LHX5: variants seen among roughly 807,000 people sequenced by gnomAD.
LHX5 encodes LIM homeobox 5.
LHX5 carries 5 observed loss-of-function variants against 30.6 expected under a neutral mutation model. That is an observed-to-expected ratio of 0.16 (90% CI 0.09 to 0.34). The LOEUF (loss-of-function observed/expected upper bound fraction) is 0.34. Among genes scored for constraint, LHX5 ranks in the 10% least tolerant of loss-of-function variants. LHX5 has a pLI of 1.00. For synonymous variants in LHX5, 266 were observed against 252.6 expected (o/e 1.05, Z -0.50); for missense variants, 458 against 570.6 (o/e 0.80, Z 2.01).
chr12:113,469,452 T>A, intron 1 of LHX5, 107 bp from the exon 2 acceptor site: 2 of 990,732 alleles, frequency 2.0e-6, no homozygotes, highest in South Asian at 1.6e-5. Context: ...CCCATTTCCA[T>A]ATCTGTCAAA....
At position 113,463,463 on chromosome 12, in the gene LHX5, G is replaced by T; in HGVS notation, c.936C>A (p.Phe312Leu). The T allele has an allele frequency of 6.4e-7, 1 of 1,563,508 alleles. No individual in the cohort carries two copies. Among genetic ancestry groups the T allele is most frequent in the Non-Finnish European group, 8.6e-7 (1 of 1,159,734 alleles). The change falls in exon 5 of 5, where the codon TTC (phenylalanine) becomes TTA (leucine). Residue 312 changes from phenylalanine to leucine, a missense_variant. Around this residue, in one of 3 missense-constraint regions of LHX5, gnomAD observed 255 missense variants for 246.8 expected, o/e 1.03. Coordinates refer to ENST00000261731, the MANE Select transcript of LHX5 (RefSeq NM_022363.3). The surrounding 1 kb of genome is among the most constrained non-coding windows in gnomAD (Gnocchi z 6.7). ...SQAQSPADSS[F>L]LAASGPGSTP... ...TCGAGCCGGGGCCAGAGGCCGCCAG[G>T]AAGCTGGAGTCGGCCGGGGACTGCG...
At position 113,463,077 on chromosome 12, in the gene LHX5, C is replaced by A; in HGVS notation, c.*113G>T. 1.1e-6 allele frequency: 1 copy of A among 940,210 alleles called. No homozygotes were observed. The highest frequency in any genetic ancestry group is 1.8e-5 in the South Asian group (1 of 54,098). 58.2% of individuals were successfully genotyped at this position (940,210 alleles called of 1,614,324 possible). On this transcript the variant is annotated 3_prime_UTR_variant, in exon 5 of 5. Transcript: ENST00000261731. The surrounding 1 kb of genome is among the most constrained non-coding windows in gnomAD (Gnocchi z 6.7). The stretch of plus-strand genomic sequence containing the variant: ...AGTTGAGTGCGGACCCGAGAGAGAA[C>A]CCCCGAGGGACACCCACGTCTCCCA...
In LHX5 at chr12:113,471,311, G is replaced by C. The variant is rs747416997; in HGVS notation, c.173+15C>G. On this transcript the variant is annotated intron_variant, in intron 1 of 4. Transcript: ENST00000261731. ...AGGGTGGGCGCGCAGGCAGCAGAGC[G>C]GCGCGGCCTCTTACCTGAAAAAGTC... 2 of 1,612,430 alleles carry C rather than the reference G, an allele frequency of 1.2e-6. No homozygotes were observed. The highest frequency in any genetic ancestry group is 1.1e-5 in the South Asian group (1 of 90,916).
chr12:113,470,571 C>T (rs1278898905), intron 1 of LHX5, among the ~76,000 whole-genome samples: 2 of 152,326 alleles, frequency 1.3e-5, no homozygotes, highest in East Asian at 3.9e-4. Context: ...TTCCTGTTCA[C>T]AAAGCCGGCT....
Position 113,468,246 on chromosome 12 carries a change from T to A in LHX5, c.556A>T (p.Thr186Ser), listed in dbSNP as rs1237109758. 1 of 1,613,920 alleles carries A rather than the reference T, an allele frequency of 6.2e-7. No homozygotes were observed. Among genetic ancestry groups the A allele is most frequent in the East Asian group, 2.2e-5 (1 of 44,884 alleles). ...SGTKRRGPRTTIKAKQLETLK... is the reference protein window; with the variant it reads ...SGTKRRGPRTSIKAKQLETLK... The stretch of plus-strand genomic sequence containing the variant: ...GTCTCCAGCTGCTTGGCCTTGATGG[T>A]GGTGCGGGGGCCGCGCCGCTTGGTG... Residue 186 changes from threonine to serine, a missense_variant, in exon 3 of 5, where the codon ACC becomes TCC. Transcript: ENST00000261731.
In LHX5 at chr12:113,463,313, G is replaced by T; in HGVS notation, c.1086C>A (p.His362Gln). The change falls in exon 5 of 5, where the codon CAC becomes CAA. Residue 362 changes from histidine (H) to glutamine (Q), a missense_variant. Coordinates refer to ENST00000261731, the MANE Select transcript of LHX5 (RefSeq NM_022363.3). The surrounding 1 kb of genome is among the most constrained non-coding windows in gnomAD (Gnocchi z 6.7). ...SPEPGLPGTL[H>Q]PMPGEVFSGG... Reference sequence around the variant, plus strand: ...CGCTGAATACCTCGCCGGGCATGGGGTGCAGCGTGCCCGGCAGGCCTGGCT... The same window carrying T: ...CGCTGAATACCTCGCCGGGCATGGGTTGCAGCGTGCCCGGCAGGCCTGGCT... 1.3e-6 allele frequency: 2 copies of T among 1,537,118 alleles called. No individual in the cohort carries two copies. Among genetic ancestry groups the T allele is most frequent in the Non-Finnish European group, 8.7e-7 (1 of 1,143,174 alleles).
rs1958215493 is a variant in LHX5, at chr12:113,466,398, A to G, written c.841+858T>C. ...ACCAATCCAGTGTGAGGGAAGTGAGAGGAGGAAAAGCTGAGGTGGCAAGGG... is the reference window on the plus strand; with the variant it reads ...ACCAATCCAGTGTGAGGGAAGTGAGGGGAGGAAAAGCTGAGGTGGCAAGGG... On this transcript the variant is annotated intron_variant, in intron 4 of 4. Transcript: ENST00000261731. This position sits in a 1 kb window ranked among gnomAD's most constrained non-coding sequence, Gnocchi z 6.5. Among the ~76,000 whole-genome samples, 1 of 152,152 alleles carries G rather than the reference A, an allele frequency of 6.6e-6. No homozygotes were observed. The highest frequency in any genetic ancestry group is 1.5e-5 in the Non-Finnish European group (1 of 68,024).
In LHX5 at chr12:113,471,370, G is replaced by A. The variant is rs201815436; in HGVS notation, c.129C>T (p.Cys43=). The change falls in exon 1 of 5, where the codon TGC becomes TGT. Residue 43 remains cysteine (C), a synonymous_variant. Coordinates refer to ENST00000261731, the MANE Select transcript of LHX5 (RefSeq NM_022363.3). ...CECKTNLSEK[C]FSREGKLYCK... ...AGTAGAGCTTGCCCTCGCGCGAGAA[G>A]CACTTCTCCGAGAGGTTGGTTTTGC... 164 of 1,614,074 alleles carry A rather than the reference G, an allele frequency of 1.0e-4. No individual in the cohort carries two copies. Among genetic ancestry groups the A allele is most frequent in the Middle Eastern group, 1.7e-4 (1 of 6,052 alleles).
Position 113,467,257 on chromosome 12 carries a change from T to C in LHX5, c.840A>G (p.Gly280=). ...AGCGAATCCCGGGGCGCCCCTTACC[T>C]CCGTAGTAGGTGTACGGGGTGGACC... is the stretch of plus-strand genomic sequence containing the variant. ...MLGSTPYTYY[G]DYQGDYYAPG... The change falls in exon 4 of 5, where the codon GGA becomes GGG. Residue 280 remains glycine (G), a splice_region_variant and synonymous_variant. Coordinates refer to ENST00000261731, the MANE Select transcript of LHX5 (RefSeq NM_022363.3). This position sits in a 1 kb window ranked among gnomAD's most constrained non-coding sequence, Gnocchi z 6.3. 1 of 1,463,042 alleles carries C rather than the reference T, an allele frequency of 6.8e-7. No individual in the cohort carries two copies. Among genetic ancestry groups the C allele is most frequent in the Non-Finnish European group, 9.1e-7 (1 of 1,095,868 alleles). 90.6% of individuals were successfully genotyped at this position (1,463,042 alleles called of 1,614,324 possible).
chr12:113,469,374 G>T lies in LHX5; in HGVS notation c.174-29C>A, dbSNP rs199548102. On this transcript the variant is annotated intron_variant, in intron 1 of 4. Transcript: ENST00000261731. Reference sequence around the variant, plus strand: ...TGGACACAATGTGCCTGTCACTATGGGGTGGGACTGCATCCAGCCCTCCCC... The same window carrying T: ...TGGACACAATGTGCCTGTCACTATGTGGTGGGACTGCATCCAGCCCTCCCC... 4.2e-4 allele frequency: 664 copies of T among 1,593,516 alleles called. 4 individuals are homozygous for T. Among genetic ancestry groups the T allele is most frequent in the Middle Eastern group, 3.4e-3 (16 of 4,684 alleles).
chr12:113,463,442 G>T lies in LHX5; in HGVS notation c.957C>A (p.Gly319=). 6.4e-7 allele frequency: 1 copy of T among 1,555,216 alleles called. No individual in the cohort carries two copies. The highest frequency in any genetic ancestry group is 8.7e-7 in the Non-Finnish European group (1 of 1,153,870). Residue 319 remains glycine, a synonymous_variant, in exon 5 of 5, where the codon GGC becomes GGA. Coordinates refer to ENST00000261731, the MANE Select transcript of LHX5 (RefSeq NM_022363.3). This position sits in a 1 kb window ranked among gnomAD's most constrained non-coding sequence, Gnocchi z 6.7. ...DSSFLAASGP[G]STPLGALEPP... ...GTTCCAGCGCTCCCAGCGGCGTCGA[G>T]CCGGGGCCAGAGGCCGCCAGGAAGC...
Position 113,471,579 on chromosome 12 carries a change from C to A in LHX5, c.-81G>T, listed in dbSNP as rs1473217877. 7.4e-6 allele frequency: 10 copies of A among 1,349,816 alleles called. No homozygotes were observed. The highest frequency in any genetic ancestry group is 1.0e-5 in the Non-Finnish European group (10 of 991,552). The allele number at this position is 1,349,816 out of a possible 1,614,324, so 83.6% of individuals were successfully genotyped here. On this transcript the variant is annotated 5_prime_UTR_variant, in exon 1 of 5. Coordinates refer to ENST00000261731, the MANE Select transcript of LHX5 (RefSeq NM_022363.3). ...TCGGGCCTGCCGGGCCCTCCGCTGC[C>A]CTTCGCCTCTTGTCTCAGCAGCTGC...
chr12:113,464,435 G>A lies in LHX5; in HGVS notation c.842-878C>T, dbSNP rs1036247598. Among the ~76,000 whole-genome samples, 4 of 152,234 alleles carry A rather than the reference G, an allele frequency of 2.6e-5. No homozygotes were observed. The highest frequency in any genetic ancestry group is 9.6e-5 in the African/African-American group (4 of 41,466). ...GGGTTGGGCCGGGCGGGGCGGCCTT[G>A]GCGCCCTAAACTCGGTCCCTGCGCC... On this transcript the variant is annotated intron_variant, in intron 4 of 4. Coordinates refer to ENST00000261731, the MANE Select transcript of LHX5 (RefSeq NM_022363.3). The surrounding 1 kb of genome is among the most constrained non-coding windows in gnomAD (Gnocchi z 6.2).
intron 2 of LHX5, 95 bp from the exon 3 acceptor site, chr12:113,468,499 G>A (rs1047282289): frequency 7.1e-7 from 1 of 1,413,858 alleles, no homozygotes; most frequent in Admixed American, 2.4e-5. Flanking sequence ...CCAAGCTACG[G>A]CCTGCCCAGG....
Position 113,464,586 on chromosome 12 carries a change from G to C in LHX5, c.842-1029C>G, listed in dbSNP as rs575068981. 1.3e-5 allele frequency among the ~76,000 whole-genome samples: 2 copies of C among 152,308 alleles called. No individual in the cohort carries two copies. Among genetic ancestry groups the C allele is most frequent in the African/African-American group, 4.8e-5 (2 of 41,564 alleles). ...AACTGAGCTCCAGCGACTTGGGAGA[G>C]GGGGAGGAGGACACGAAGATTCTCT... On this transcript the variant is annotated intron_variant, in intron 4 of 4. Transcript: ENST00000261731. The surrounding 1 kb of genome is among the most constrained non-coding windows in gnomAD (Gnocchi z 6.2).
chr12:113,467,217 G>C lies in LHX5; in HGVS notation c.841+39C>G. ...CCCTTCGCCCTCAGCTCCCGGAATA[G>C]GACAGGTGCGGAACAGCGAATCCCG... On this transcript the variant is annotated intron_variant, in intron 4 of 4. Coordinates refer to ENST00000261731, the MANE Select transcript of LHX5 (RefSeq NM_022363.3). This position sits in a 1 kb window ranked among gnomAD's most constrained non-coding sequence, Gnocchi z 6.3. 1 of 1,398,916 alleles carries C rather than the reference G, an allele frequency of 7.1e-7. No individual in the cohort carries two copies. Among genetic ancestry groups the C allele is most frequent in the Non-Finnish European group, 9.4e-7 (1 of 1,066,092 alleles). 86.7% of individuals were successfully genotyped at this position (1,398,916 alleles called of 1,614,324 possible). A position where few individuals can be genotyped will look rare whatever the true frequency, so the allele number is the denominator to read the frequency against.
intron 1 of LHX5, 40 bp downstream of exon 1, chr12:113,471,286 A>G (rs1273885876): frequency 6.2e-7 from 1 of 1,603,804 alleles, no homozygotes; most frequent in Admixed American, 1.7e-5. Flanking sequence ...GAGCGCGCGC[A>G]GGGTGGGCGC....
Position 113,462,998 on chromosome 12 carries a change from G to T in LHX5, c.*192C>A, listed in dbSNP as rs1161180197. On this transcript the variant is annotated 3_prime_UTR_variant, in exon 5 of 5. Coordinates refer to ENST00000261731, the MANE Select transcript of LHX5 (RefSeq NM_022363.3). Reference sequence around the variant, plus strand: ...GGGCTGAGGCTCCTGGAGAGCCCGCGGGGTGGAGATGGGGGTCGGCCCCCC... The same window carrying T: ...GGGCTGAGGCTCCTGGAGAGCCCGCTGGGTGGAGATGGGGGTCGGCCCCCC... The T allele has an allele frequency of 1.3e-5, 7 of 543,238 alleles. No homozygotes were observed. In the East Asian group the frequency reaches 2.5e-4, roughly 19 times the overall value. The allele number at this position is 543,238 out of a possible 1,614,324, so 33.7% of individuals were successfully genotyped here.
chr12:113,471,202 G>A (rs575180299), intron 1 of LHX5, 124 bp downstream of exon 1: 8 of 1,010,666 alleles, frequency 7.9e-6, no homozygotes, highest in Non-Finnish European at 1.2e-5. Context: ...AGTGCTGCCC[G>A]CTCCCCATCT....
Sources: allele counts gnomAD v4.1 joint callset (sites outside exome capture counted in the v4.1 genomes callset), GRCh38; gene constraint gnomAD v4.1.1; regional missense constraint gnomAD v4.1.1; non-coding constraint Gnocchi (gnomAD v3.1); transcripts MANE v1.5; gene names NCBI Gene and HGNC (gene_info 2026-07-23, HGNC 2026-07-21).